ITPR1: variants seen among roughly 807,000 people sequenced by gnomAD.
ITPR1 encodes the protein inositol 1,4,5-trisphosphate-gated calcium channel ITPR1.
ITPR1 carries 96 observed loss-of-function variants against 318.4 expected under a neutral mutation model. The ratio of observed to expected loss-of-function variants is 0.30; its 90% CI spans 0.26 to 0.36. The LOEUF is 0.36. ITPR1 is among the 10% of genes least tolerant of loss of function. ITPR1 has a pLI of 1.00. For missense variants in ITPR1, 2,440 were observed against 3,460.2 expected (o/e 0.71, Z 7.40); for synonymous variants, 1,312 against 1,289.9 (o/e 1.02, Z -0.37).
chr3:4,608,117 G>T (rs557659024), intron 4 of ITPR1, among the ~76,000 whole-genome samples: 1 of 152,232 alleles, frequency 6.6e-6, no homozygotes, highest in South Asian at 2.1e-4. Context: ...GAAGATGAGG[G>T]TTAGCCAGAT....
At chr3:4,541,889 G>T (rs1014310377) in intron 4 of ITPR1, among the ~76,000 whole-genome samples, 2 of 152,120 alleles carry the variant, frequency 1.3e-5, no homozygotes, top group East Asian at 1.9e-4. Context: ...CTCCCAAAGC[G>T]CAAGGATTAT....
intron 40 of ITPR1, chr3:4,724,297 T>G (rs1026341831): frequency 2.0e-5 from 3 of 152,216 alleles, no homozygotes; most frequent in Non-Finnish European, 4.4e-5. Flanking sequence ...AAGACAGAAA[T>G]CATTAGATTA....
At position 4,537,648 on chromosome 3, in the gene ITPR1, T is replaced by C. The variant is rs145343325; in HGVS notation, c.163+16554T>C. ...CAGGAGGATTCGAGTTAATAGGAGA[T>C]GGGAGGATAGAAACAATAGGTTGGA... On this transcript the variant is annotated intron_variant, in intron 4 of 61. Coordinates refer to ENST00000649015, the MANE Select transcript of ITPR1 (RefSeq NM_001378452.1). Among the ~76,000 whole-genome samples, 1,126 of 152,250 alleles carry C rather than the reference T, an allele frequency of 7.4e-3. 14 individuals carry two copies. The highest frequency in any genetic ancestry group is 0.026 in the African/African-American group (1,079 of 41,552).
At chr3:4,743,847 T>C (rs2043880458) in intron 44 of ITPR1, among the ~76,000 whole-genome samples, 1 of 152,228 alleles carries the variant, frequency 6.6e-6, no homozygotes, top group Admixed American at 6.5e-5. Context: ...GTTTGTTTGT[T>C]TGTTTGAGAC....
chr3:4,789,078 G>C (rs1483911356), intron 52 of ITPR1, among the ~76,000 whole-genome samples: 1 of 152,126 alleles, frequency 6.6e-6, no homozygotes, highest in Non-Finnish European at 1.5e-5. Context: ...CAGATAAGGT[G>C]GTGCAAGAAG....
intron 4 of ITPR1, among the ~76,000 whole-genome samples, chr3:4,615,090 C>T (rs891352735): frequency 4.6e-5 from 7 of 152,212 alleles, no homozygotes; most frequent in Non-Finnish European, 1.0e-4. Context: ...GAGCCAGGTC[C>T]ATGTGTGGGA....
At chr3:4,673,580 TG>T (rs1224178383) in intron 21 of ITPR1, among the ~76,000 whole-genome samples, 193 bp downstream of exon 21, 1 of 70,760 alleles carries the variant, frequency 1.4e-5, no homozygotes, top group African/African-American at 4.7e-5. Flanking sequence ...TTTTGGTTTT[TG>T]TTTGTTTGTT....
At chr3:4,728,082 G>T (rs1308843122) in intron 42 of ITPR1, among the ~76,000 whole-genome samples, 1 of 152,218 alleles carries the variant, frequency 6.6e-6, no homozygotes, top group East Asian at 1.9e-4. Flanking sequence ...AAATTAACAG[G>T]TGGTTCATCA....
chr3:4,605,953 G>A (rs1559524119), intron 4 of ITPR1, among the ~76,000 whole-genome samples: 2 of 152,102 alleles, frequency 1.3e-5, no homozygotes, highest in Non-Finnish European at 2.9e-5. Context: ...TCGTGGGGAG[G>A]AAAAATCTTA....
rs77240364 is a variant in ITPR1, at chr3:4,648,495, C to G, written c.855+2767C>G. Among the ~76,000 whole-genome samples the G allele has an allele frequency of 3.3e-3, 502 of 152,268 alleles. 5 individuals carry two copies. The highest frequency in any genetic ancestry group is 0.011 in the African/African-American group (461 of 41,550). On this transcript the variant is annotated intron_variant, in intron 10 of 61. Transcript: ENST00000649015. Reference sequence around the variant, plus strand: ...AATACGCTGGGTAAAACAGATCACTCATTTGCCTATGACCTTTTAGAAAAA... The same window carrying G: ...AATACGCTGGGTAAAACAGATCACTGATTTGCCTATGACCTTTTAGAAAAA...
intron 5 of ITPR1, among the ~76,000 whole-genome samples, chr3:4,638,358 A>G (rs1386224925): frequency 6.6e-6 from 1 of 152,212 alleles, no homozygotes; most frequent in Non-Finnish European, 1.5e-5. Flanking sequence ...CAGTTTGCTG[A>G]CTGCCTGGGA....
intron 44 of ITPR1, among the ~76,000 whole-genome samples, chr3:4,748,405 T>C (rs1164112689): frequency 6.6e-6 from 1 of 151,812 alleles, no homozygotes; most frequent in Non-Finnish European, 1.5e-5. Flanking sequence ...GCCAATGAGT[T>C]TTAAAGGTAG....
At chr3:4,767,813 G>T (rs1439466972) in intron 45 of ITPR1, among the ~76,000 whole-genome samples, 1 of 152,214 alleles carries the variant, frequency 6.6e-6, no homozygotes, top group Non-Finnish European at 1.5e-5. Flanking sequence ...GCGCTGGACT[G>T]TTCAAAGTTC....
intron 15 of ITPR1, 99 bp from the exon 16 acceptor site, chr3:4,662,964 CCT>C: frequency 1.0e-6 from 1 of 967,792 alleles, no homozygotes; most frequent in South Asian, 1.7e-5. Flanking sequence ...TGGGTCTGCC[CCT>C]GTTTAACTGG....
intron 4 of ITPR1, among the ~76,000 whole-genome samples, chr3:4,608,865 G>A (rs1211287136): frequency 6.6e-6 from 1 of 151,360 alleles, no homozygotes; most frequent in Non-Finnish European, 1.5e-5. Context: ...AGCCTGGTGT[G>A]GTGGCACACG....
intron 4 of ITPR1, among the ~76,000 whole-genome samples, chr3:4,590,174 C>CTTTTT (rs10713337): frequency 2.4e-4 from 21 of 87,446 alleles, no homozygotes; most frequent in African/African-American, 3.2e-4. Context: ...CTTCGTCTTG[C>CTTTTT]TTTTTTTTTT....
Position 4,610,247 on chromosome 3 carries a change from C to T in ITPR1, c.164-17516C>T, listed in dbSNP as rs533732841. Among the ~76,000 whole-genome samples, 7 of 152,314 alleles carry T rather than the reference C, an allele frequency of 4.6e-5. No homozygotes were observed. In the South Asian group the frequency reaches 6.2e-4, roughly 14 times the overall value. On this transcript the variant is annotated intron_variant, in intron 4 of 61. Coordinates refer to ENST00000649015, the MANE Select transcript of ITPR1 (RefSeq NM_001378452.1). ...CTACCTGGGCTGGGTTAGTGCTCCT[C>T]TGTGCGCCAGACACCTTGGAGTTTC...
intron 42 of ITPR1, among the ~76,000 whole-genome samples, chr3:4,730,371 A>G (rs73807140): frequency 0.27 from 15,448 of 57,294 alleles, 993 homozygotes; most frequent in Middle Eastern, 0.4. Flanking sequence ...GTTGGGTGGA[A>G]TGTGTGTGTG....
intron 10 of ITPR1, among the ~76,000 whole-genome samples, chr3:4,647,240 A>G (rs371671560): frequency 6.6e-6 from 1 of 151,768 alleles, no homozygotes; most frequent in East Asian, 1.9e-4. Flanking sequence ...TTGTTCCTTT[A>G]TATTACTGCA....
Sources: allele counts gnomAD v4.1 joint callset (sites outside exome capture counted in the v4.1 genomes callset), GRCh38; gene constraint gnomAD v4.1.1; transcripts MANE v1.5; gene names NCBI Gene and HGNC (gene_info 2026-07-23, HGNC 2026-07-21).